SLC24A3: variants seen among roughly 807,000 people sequenced by gnomAD.
The protein encoded by SLC24A3 is solute carrier family 24 member 3, also known as sodium/potassium/calcium exchanger 3.
SLC24A3 carries 28 observed loss-of-function variants against 75.8 expected under a neutral mutation model. The ratio of observed to expected loss-of-function variants is 0.37; its 90% CI spans 0.27 to 0.51. The LOEUF (loss-of-function observed/expected upper bound fraction) is 0.51. Ranked by LOEUF, SLC24A3 falls within the 20% of genes least tolerant of loss-of-function variation. SLC24A3 has a pLI of 0.94. For missense variants in SLC24A3, 663 were observed against 847.8 expected (o/e 0.78, Z 2.71); for synonymous variants, 372 against 334.1 (o/e 1.11, Z -1.24).
intron 15 of SLC24A3, 133 bp from the exon 16 acceptor site, chr20:19,717,395 T>A: frequency 1.2e-6 from 1 of 801,644 alleles, no homozygotes. Flanking sequence ...CTGAAGCTGT[T>A]GCTTTTTCAT....
chr20:19,540,596 C>T (rs557885084), intron 3 of SLC24A3, among the ~76,000 whole-genome samples: 2 of 152,204 alleles, frequency 1.3e-5, no homozygotes, highest in Non-Finnish European at 2.9e-5. Flanking sequence ...GAGCCAGCGC[C>T]ACGGTGAGGA....
intron 2 of SLC24A3, among the ~76,000 whole-genome samples, chr20:19,417,077 A>G (rs1474858450): frequency 2.0e-5 from 3 of 152,204 alleles, no homozygotes; most frequent in Non-Finnish European, 4.4e-5. Context: ...GAGAGGCCAC[A>G]TACACAAAGG....
chr20:19,299,204 G>GTGTGTA, intron 2 of SLC24A3, among the ~76,000 whole-genome samples: 1 of 151,670 alleles, frequency 6.6e-6, no homozygotes, highest in Admixed American at 6.6e-5. Context: ...GTGTATGTGT[G>GTGTGTA]TGTGTGTGTG....
rs371738059 is a variant in SLC24A3, at chr20:19,443,803, C to T, written c.272-71685C>T. ...TCTCACCTTTACTTTTACTGTTAAA[C>T]CCTCCCCATAACTGGGGAGTGCTCT... is the stretch of plus-strand genomic sequence containing the variant. On this transcript the variant is annotated intron_variant, in intron 2 of 16. Coordinates refer to ENST00000328041, the MANE Select transcript of SLC24A3 (RefSeq NM_020689.4). Among the ~76,000 whole-genome samples, 4 of 152,316 alleles carry T rather than the reference C, an allele frequency of 2.6e-5. No individual in the cohort carries two copies. In the East Asian group the frequency reaches 5.8e-4, roughly 22 times the overall value.
intron 2 of SLC24A3, among the ~76,000 whole-genome samples, chr20:19,281,550 T>G (rs931862809): frequency 6.6e-6 from 1 of 152,226 alleles, no homozygotes; most frequent in African/African-American, 2.4e-5. Context: ...TATTAATTTA[T>G]TGGTTGTGAG....
intron 3 of SLC24A3, among the ~76,000 whole-genome samples, chr20:19,535,263 G>A (rs897413372): frequency 6.6e-6 from 1 of 152,124 alleles, no homozygotes; most frequent in Admixed American, 6.5e-5. Flanking sequence ...GATTCCCTTG[G>A]TCAGTAATTT....
At chr20:19,259,830 GT>G (rs1279793309) in intron 1 of SLC24A3, among the ~76,000 whole-genome samples, 1 of 152,122 alleles carries the variant, frequency 6.6e-6, no homozygotes, top group Non-Finnish European at 1.5e-5. Context: ...TCTATTTATA[GT>G]TTTTTCCCCC....
At chr20:19,218,313 T>C (rs1981619626) in intron 1 of SLC24A3, among the ~76,000 whole-genome samples, 2 of 152,210 alleles carry the variant, frequency 1.3e-5, no homozygotes, top group Admixed American at 1.3e-4. Context: ...TCGATATCAT[T>C]ACCCATTTCT....
At chr20:19,499,233 T>C (rs1447869703) in intron 2 of SLC24A3, among the ~76,000 whole-genome samples, 1 of 152,254 alleles carries the variant, frequency 6.6e-6, no homozygotes, top group Non-Finnish European at 1.5e-5. Flanking sequence ...ATTATGCAGA[T>C]ACATATACAT....
rs191620211 is a variant in SLC24A3, at chr20:19,603,867, A to G, written c.612+18323A>G. Among the ~76,000 whole-genome samples the G allele has an allele frequency of 3.5e-4, 54 of 152,286 alleles. No homozygotes were observed. The East Asian group carries it at 0.01, about 29-fold the overall frequency. On this transcript the variant is annotated intron_variant, in intron 6 of 16. Transcript: ENST00000328041. ...CACCGAGCTGGTGCGTATGAGAGCA[A>G]CTGAGCAATGGTAGCCTCTGTTACC...
At chr20:19,610,874 C>G (rs572486578) in intron 6 of SLC24A3, among the ~76,000 whole-genome samples, 3 of 152,190 alleles carry the variant, frequency 2.0e-5, no homozygotes, top group Admixed American at 2.0e-4. Context: ...AGAGTGGGCT[C>G]GGGCCACCAG....
At chr20:19,632,605 T>TAA (rs774868076) in intron 6 of SLC24A3, among the ~76,000 whole-genome samples, 2 of 152,256 alleles carry the variant, frequency 1.3e-5, no homozygotes, top group Non-Finnish European at 2.9e-5. Context: ...AAGTCTCACT[T>TAA]ACAATGTAAG....
In SLC24A3 at chr20:19,332,662, T is replaced by C. The variant is rs373171627; in HGVS notation, c.271+51575T>C. ...CCAGAATGGGACTGAGGAGACCCAGTTCCACAGGGAGAAAACCACCTTGAG... is the reference window on the plus strand; with the variant it reads ...CCAGAATGGGACTGAGGAGACCCAGCTCCACAGGGAGAAAACCACCTTGAG... On this transcript the variant is annotated intron_variant, in intron 2 of 16. Coordinates refer to ENST00000328041, the MANE Select transcript of SLC24A3 (RefSeq NM_020689.4). 7.6e-4 allele frequency among the ~76,000 whole-genome samples: 116 copies of C among 152,276 alleles called. 1 individual carries two copies. In the South Asian group the frequency reaches 0.024, roughly 31 times the overall value.
chr20:19,374,827 G>T (rs1986053886), intron 2 of SLC24A3, among the ~76,000 whole-genome samples: 1 of 152,072 alleles, frequency 6.6e-6, no homozygotes, highest in African/African-American at 2.4e-5. Flanking sequence ...CCTCTCTCTG[G>T]CCTCCTAAGT....
intron 2 of SLC24A3, among the ~76,000 whole-genome samples, chr20:19,479,717 C>T (rs1328475562): frequency 6.6e-6 from 1 of 152,222 alleles, no homozygotes; most frequent in Non-Finnish European, 1.5e-5. Flanking sequence ...TTTTACCCTC[C>T]AGCTCCCATC....
At chr20:19,405,499 C>T (rs191272573) in intron 2 of SLC24A3, among the ~76,000 whole-genome samples, 47 of 152,318 alleles carry the variant, frequency 3.1e-4, no homozygotes, top group African/African-American at 1.1e-3. Context: ...AGGGAATAAA[C>T]GACCAAAATG....
At position 19,693,317 on chromosome 20, in the gene SLC24A3, C is replaced by T; in HGVS notation, c.1383C>T (p.Tyr461=). ...CCTGGCCGCTGAGTTTCGTCTTATA[C>T]TTCACTGTACCCAACTGCAACAAGC... ...AFTWPLSFVL[Y]FTVPNCNKPR... is the part of the protein sequence containing the mutation. Residue 461 remains tyrosine (Y), a synonymous_variant, in exon 13 of 17, where the codon TAC becomes TAT. Coordinates refer to ENST00000328041, the MANE Select transcript of SLC24A3 (RefSeq NM_020689.4). The T allele has an allele frequency of 6.2e-7, 1 of 1,613,866 alleles. No homozygotes were observed. The highest frequency in any genetic ancestry group is 8.5e-7 in the Non-Finnish European group (1 of 1,179,972).
chr20:19,485,702 C>A (rs891389711), intron 2 of SLC24A3, among the ~76,000 whole-genome samples: 11 of 152,154 alleles, frequency 7.2e-5, no homozygotes, highest in Non-Finnish European at 2.9e-5. Flanking sequence ...CCTCACAGCT[C>A]CTTGAAGGGC....
At chr20:19,448,715 T>A (rs532392335) in intron 2 of SLC24A3, among the ~76,000 whole-genome samples, 8 of 152,220 alleles carry the variant, frequency 5.3e-5, no homozygotes, top group Admixed American at 3.9e-4. Flanking sequence ...TATATTATTC[T>A]GACATCCCTG....
Sources: gnomAD v4.1 joint callset for allele counts (sites outside exome capture counted in the v4.1 genomes callset) on GRCh38, gnomAD v4.1.1 for gene constraint, MANE v1.5 for transcripts, NCBI Gene and HGNC (gene_info 2026-07-23, HGNC 2026-07-21) for gene names.